Variants in SHISA9 observed in about 807,000 individuals in gnomAD.
SHISA9 encodes the protein shisa family member 9, also known as protein shisa-9.
SHISA9 carries 13 observed loss-of-function variants against 38.0 expected under a neutral mutation model. The ratio of observed to expected loss-of-function variants is 0.34; its 90% CI spans 0.22 to 0.54. SHISA9 has a LOEUF of 0.54. Among genes scored for constraint, SHISA9 ranks in the 20% least tolerant of loss-of-function variants. The pLI, the probability that SHISA9 is intolerant of heterozygous loss-of-function variation, is 0.91. For missense variants in SHISA9, 538 were observed against 575.8 expected (o/e 0.93, Z 0.67); for synonymous variants, 275 against 242.0 (o/e 1.14, Z -1.27).
the SHISA9 span, among the ~76,000 whole-genome samples, chr16:13,322,435 T>C: frequency 6.6e-6 from 1 of 152,218 alleles, no homozygotes; most frequent in Non-Finnish European, 1.5e-5. Context: ...TAGCTGAATA[T>C]GGCTCCAGGC....
chr16:13,345,108 T>G, the SHISA9 span, among the ~76,000 whole-genome samples: 1 of 152,206 alleles, frequency 6.6e-6, no homozygotes, highest in Non-Finnish European at 1.5e-5. Flanking sequence ...AAACTTCTTT[T>G]TTTTAAATTT....
the SHISA9 span, among the ~76,000 whole-genome samples, chr16:13,485,103 C>T: frequency 2.0e-5 from 3 of 151,870 alleles, no homozygotes; most frequent in South Asian, 6.3e-4. Flanking sequence ...TATGAATGTG[C>T]CATGGTGGTT....
At chr16:13,015,716 A>G (rs922106247) in intron 2 of SHISA9, among the ~76,000 whole-genome samples, 3 of 152,008 alleles carry the variant, frequency 2.0e-5, no homozygotes, top group Non-Finnish European at 4.4e-5. Flanking sequence ...CCGGTTCCCT[A>G]CTGGAGATCA....
intron 2 of SHISA9, among the ~76,000 whole-genome samples, chr16:13,108,254 G>T (rs550251577): frequency 2.4e-4 from 36 of 152,080 alleles, no homozygotes; most frequent in East Asian, 1.4e-3. Flanking sequence ...TCACCTTTTC[G>T]AGTAGCTGAG....
At chr16:13,531,857 A>C in the SHISA9 span, among the ~76,000 whole-genome samples, 1 of 152,202 alleles carries the variant, frequency 6.6e-6, no homozygotes, top group African/African-American at 2.4e-5. Context: ...ACAGGGCCTA[A>C]ATGAAAGCTA....
chr16:12,962,649 C>A (rs2071926187), intron 2 of SHISA9, among the ~76,000 whole-genome samples: 1 of 152,220 alleles, frequency 6.6e-6, no homozygotes, highest in African/African-American at 2.4e-5. Flanking sequence ...TCACCAGGAA[C>A]CAAATGTGCT....
At chr16:12,983,512 G>A (rs928594707) in intron 2 of SHISA9, among the ~76,000 whole-genome samples, 15 of 152,022 alleles carry the variant, frequency 9.9e-5, no homozygotes, top group African/African-American at 3.1e-4. Flanking sequence ...TTTTTGAGAC[G>A]GAGTCTTGCC....
intron 4 of SHISA9, 45 bp from the exon 5 acceptor site, chr16:13,234,985 T>G: frequency 1.3e-5 from 19 of 1,495,290 alleles, no homozygotes; most frequent in Non-Finnish European, 1.7e-5. Flanking sequence ...TCTCTCTCTC[T>G]CTTCTCTTTC....
intron 2 of SHISA9, among the ~76,000 whole-genome samples, chr16:13,124,006 G>A (rs1174234554): frequency 3.3e-5 from 5 of 152,168 alleles, no homozygotes; most frequent in Non-Finnish European, 5.9e-5. Context: ...GCACCGCATC[G>A]TATCCTGCAG....
the SHISA9 span, among the ~76,000 whole-genome samples, chr16:13,409,533 C>T: frequency 6.6e-6 from 1 of 152,230 alleles, no homozygotes; most frequent in Non-Finnish European, 1.5e-5. Context: ...GTGGTGGTGA[C>T]CCCACGCCCC....
intron 1 of SHISA9, chr16:12,909,041 C>T (rs2071144680): frequency 5.0e-6 from 5 of 997,708 alleles, no homozygotes; most frequent in Non-Finnish European, 6.0e-6. Flanking sequence ...TCTCTCCTGC[C>T]TCTCATCTTT....
At position 13,049,200 on chromosome 16, in the gene SHISA9, G is replaced by A. The variant is rs79604794; in HGVS notation, c.691+132385G>A. ...TGTGTGTGTGTGTGTGTGTGTGTGT[G>A]TGTGTATGTGTATGTGTCTGTGTGT... On this transcript the variant is annotated intron_variant, in intron 2 of 4. Transcript: ENST00000558583. 7.3e-3 allele frequency among the ~76,000 whole-genome samples: 928 copies of A among 127,946 alleles called. 4 individuals are homozygous for A. The highest frequency in any genetic ancestry group is 0.01 in the Non-Finnish European group (586 of 58,556). The allele number at this position is 127,946 out of a possible 152,430, so 83.9% of individuals were successfully genotyped here. A position where few individuals can be genotyped will look rare whatever the true frequency, so the allele number is the denominator to read the frequency against.
intron 2 of SHISA9, among the ~76,000 whole-genome samples, chr16:12,970,407 A>ATATG (rs1333374020): frequency 0.078 from 1,159 of 14,862 alleles, 99 homozygotes; most frequent in Non-Finnish European, 0.12. Context: ...ATATATACAT[A>ATATG]TATATATATA....
the SHISA9 span, among the ~76,000 whole-genome samples, chr16:13,513,410 C>A: frequency 6.6e-6 from 1 of 152,172 alleles, no homozygotes; most frequent in African/African-American, 2.4e-5. Context: ...TTAGTTCAAC[C>A]ATTGTCAAAG....
chr16:13,046,199 A>G (rs2073186891), intron 2 of SHISA9, among the ~76,000 whole-genome samples: 1 of 152,218 alleles, frequency 6.6e-6, no homozygotes, highest in African/African-American at 2.4e-5. Flanking sequence ...GGCCAAGATG[A>G]ATAATGAATG....
chr16:13,544,552 T>C, the SHISA9 span, among the ~76,000 whole-genome samples: 1 of 151,242 alleles, frequency 6.6e-6, no homozygotes, highest in Non-Finnish European at 1.5e-5. Flanking sequence ...GATAAATTAC[T>C]ATCCTGGCTG....
the SHISA9 span, among the ~76,000 whole-genome samples, chr16:13,275,780 C>A: frequency 6.6e-6 from 1 of 151,576 alleles, no homozygotes; most frequent in Non-Finnish European, 1.5e-5. Flanking sequence ...CTTTATTATC[C>A]TTTTAATGTC....
chr16:12,954,580 T>C (rs1405609947), intron 2 of SHISA9, among the ~76,000 whole-genome samples: 1 of 152,158 alleles, frequency 6.6e-6, no homozygotes, highest in Admixed American at 6.5e-5. Context: ...CCTTGGTTCT[T>C]AGACATTTTA....
chr16:13,326,251 A>G, the SHISA9 span, among the ~76,000 whole-genome samples: 23 of 152,226 alleles, frequency 1.5e-4, no homozygotes, highest in Non-Finnish European at 3.4e-4. Flanking sequence ...AATATTAATG[A>G]TAACTAGAAG....
Sources: gnomAD v4.1 joint callset for allele counts (sites outside exome capture counted in the v4.1 genomes callset) on GRCh38, gnomAD v4.1.1 for gene constraint, MANE v1.5 for transcripts, NCBI Gene and HGNC (gene_info 2026-07-23, HGNC 2026-07-21) for gene names.